The following FYB1 variants were observed in gnomAD, a reference collection of about 807,000 sequenced individuals.
FYB1 encodes FYN-binding protein 1.
FYB1 carries 41 observed loss-of-function variants against 94.1 expected under a neutral mutation model. That is an observed-to-expected ratio of 0.44 (90% CI 0.34 to 0.57). FYB1 has a LOEUF of 0.57. FYB1 is among the 20% of genes least tolerant of loss of function. The probability of loss-of-function intolerance (pLI) is 0.02; values close to 1 mark genes in which losing one functional copy is unlikely to be tolerated. For missense variants in FYB1, 1,050 were observed against 976.8 expected, an observed-to-expected ratio of 1.07 and a Z score of -1.00; for synonymous variants, 367 against 353.2, an observed-to-expected ratio of 1.04 and a Z score of -0.44.
At chr5:39,143,879 T>C (rs1343365679) in intron 3 of FYB1, among the ~76,000 whole-genome samples, 1 of 152,202 alleles carries the variant, frequency 6.6e-6, no homozygotes, top group East Asian at 1.9e-4. Flanking sequence ...TATATATGCT[T>C]AGCTTTCTAT....
At chr5:39,254,976 T>A (rs1751870969) in intron 1 of FYB1, among the ~76,000 whole-genome samples, 2 of 152,214 alleles carry the variant, frequency 1.3e-5, no homozygotes, top group Non-Finnish European at 2.9e-5. Context: ...AAAGGCCTTA[T>A]ACTTTGTGTA....
Position 39,126,040 on chromosome 5 carries a change from T to C in FYB1, c.2003A>G (p.Glu668Gly), listed in dbSNP as rs1392632948. The change falls in exon 12 of 19, where the codon GAG becomes GGG. Residue 668 changes from glutamate to glycine, a missense_variant. Glu to Gly is a moderately conservative substitution (Grantham distance 98, BLOSUM62 -2). Transcript: ENST00000512982. Reference protein sequence around the residue: ...GKDDRKKSIREKPKVSDSDNN... With the variant: ...GKDDRKKSIRGKPKVSDSDNN... ...GTCTGAGTCAGAGACTTTAGGTTTCTCTCGTATACTTTTCTTTCTGTCATC... is the reference window on the plus strand; with the variant it reads ...GTCTGAGTCAGAGACTTTAGGTTTCCCTCGTATACTTTTCTTTCTGTCATC... 6.2e-7 allele frequency: 1 copy of C among 1,613,554 alleles called. No homozygotes were observed. The highest frequency in any genetic ancestry group is 8.5e-7 in the Non-Finnish European group (1 of 1,179,694).
intron 6 of FYB1, 141 bp from the exon 7 acceptor site, chr5:39,137,861 T>G: frequency 9.3e-7 from 1 of 1,069,680 alleles, no homozygotes; most frequent in Non-Finnish European, 1.3e-6. Flanking sequence ...GTTGTCAAAA[T>G]CCGGAATGTG....
intron 1 of FYB1, among the ~76,000 whole-genome samples, chr5:39,246,151 T>G (rs1751470306): frequency 6.6e-6 from 1 of 152,116 alleles, no homozygotes; most frequent in South Asian, 2.1e-4. Context: ...ACCAGTGGCA[T>G]GAGGATGAAA....
rs375349400 is a variant in FYB1 at position 39,118,955 on chromosome 5, G to T, written c.2320C>A (p.Gln774Lys). 31 of 1,573,786 alleles carry T rather than the reference G, an allele frequency of 2.0e-5. No individual in the cohort carries two copies. Among genetic ancestry groups the T allele is most frequent in the Non-Finnish European group, 2.2e-5 (25 of 1,153,854 alleles). ...TSKKWGTRDLQVKPGESLEVI... is the reference protein window; with the variant it reads ...TSKKWGTRDLKVKPGESLEVI... ...TCTAGAGATTCACCAGGTTTTACCTGTAGATCTCTGGTTCCCCACTTTTTA... is the reference window on the plus strand; with the variant it reads ...TCTAGAGATTCACCAGGTTTTACCTTTAGATCTCTGGTTCCCCACTTTTTA... The change falls in exon 16 of 19, where the codon CAG (glutamine) becomes AAG (lysine). Residue 774 changes from glutamine to lysine, a missense_variant. Coordinates refer to ENST00000512982, the MANE Select transcript of FYB1 (RefSeq NM_001465.6).
At chr5:39,208,750 G>A (rs1749080058) in intron 1 of FYB1, 1 of 152,274 alleles carries the variant, frequency 6.6e-6, no homozygotes, top group Middle Eastern at 3.4e-3. Context: ...GGTTCTGTGG[G>A]GGTGATGCCT....
At chr5:39,126,473 A>C (rs1215716195) in intron 11 of FYB1, among the ~76,000 whole-genome samples, 1 of 151,964 alleles carries the variant, frequency 6.6e-6, no homozygotes. Context: ...AAGTGGGAGG[A>C]TTGCTTAAGC....
chr5:39,240,455 A>G (rs1401159813), intron 1 of FYB1, among the ~76,000 whole-genome samples: 1 of 152,218 alleles, frequency 6.6e-6, no homozygotes, highest in African/African-American at 2.4e-5. Flanking sequence ...AGAATCTACA[A>G]GGAATTTAAA....
intron 1 of FYB1, among the ~76,000 whole-genome samples, chr5:39,229,392 C>G (rs1750622264): frequency 6.6e-6 from 1 of 152,164 alleles, no homozygotes; most frequent in Non-Finnish European, 1.5e-5. Context: ...GGGGAGAAAT[C>G]AGCCATTGTC....
At chr5:39,162,121 G>A (rs1744302852) in intron 2 of FYB1, among the ~76,000 whole-genome samples, 1 of 152,112 alleles carries the variant, frequency 6.6e-6, no homozygotes, top group Non-Finnish European at 1.5e-5. Flanking sequence ...TCTTCTGCCT[G>A]TTATACAGAA....
intron 11 of FYB1, 141 bp from the exon 12 acceptor site, chr5:39,126,276 CA>C: frequency 1.2e-6 from 1 of 857,948 alleles, no homozygotes; most frequent in Non-Finnish European, 1.7e-6. Flanking sequence ...TTTTATTGGA[CA>C]AAATAGTGTT....
intron 10 of FYB1, among the ~76,000 whole-genome samples, 156 bp from the exon 11 acceptor site, chr5:39,127,963 A>T (rs1048567958): frequency 6.6e-6 from 1 of 152,198 alleles, no homozygotes; most frequent in Admixed American, 6.5e-5. Context: ...TGATTATTTT[A>T]TAAAGAATTC....
At chr5:39,247,066 G>T (rs551031414) in intron 1 of FYB1, among the ~76,000 whole-genome samples, 1 of 116,104 alleles carries the variant, frequency 8.6e-6, no homozygotes, top group Non-Finnish European at 1.7e-5. Context: ...CACAAAATGC[G>T]TGTTCATATA....
At chr5:39,157,198 T>C (rs1743839831) in intron 2 of FYB1, among the ~76,000 whole-genome samples, 2 of 152,214 alleles carry the variant, frequency 1.3e-5, no homozygotes. Context: ...ATGATGTCTA[T>C]GCACTTTCTG....
rs115969379 is a variant in FYB1 at position 39,176,844 on chromosome 5, T to A, written c.1136-23240A>T. Among the ~76,000 whole-genome samples the A allele has an allele frequency of 5.8e-3, 878 of 152,334 alleles. 12 individuals carry two copies. Among genetic ancestry groups the A allele is most frequent in the African/African-American group, 0.02 (821 of 41,566 alleles). ...GTGTGGCTCCTCAAGCCCATTTTAA[T>A]TGAGATGGTGTAGGCAGCTAAAAGA... On this transcript the variant is annotated intron_variant, in intron 2 of 18. Coordinates refer to ENST00000512982, the MANE Select transcript of FYB1 (RefSeq NM_001465.6).
At chr5:39,214,647 G>T (rs1749699374) in intron 1 of FYB1, among the ~76,000 whole-genome samples, 1 of 152,238 alleles carries the variant, frequency 6.6e-6, no homozygotes, top group African/African-American at 2.4e-5. Context: ...ACAAGTATTG[G>T]CTGGGTGCTG....
At chr5:39,166,909 C>T (rs62358712) in intron 2 of FYB1, among the ~76,000 whole-genome samples, 26,112 of 151,624 alleles carry the variant, frequency 0.17, 2,475 homozygotes, top group Non-Finnish European at 0.21. Context: ...TTACTACACA[C>T]GGTATCCATG....
At chr5:39,169,186 C>T in intron 2 of FYB1, 1 of 808,154 alleles carries the variant, frequency 1.2e-6, no homozygotes, top group Non-Finnish European at 2.2e-6. Flanking sequence ...GACAACTAAT[C>T]ATTGCAACAT....
At chr5:39,139,720 G>A (rs1420876442) in intron 4 of FYB1, 1 of 151,978 alleles carries the variant, frequency 6.6e-6, no homozygotes, top group Non-Finnish European at 1.5e-5. Context: ...TATTGAAACA[G>A]AATCCAATAT....
Sources: allele counts gnomAD v4.1 joint callset (sites outside exome capture counted in the v4.1 genomes callset), GRCh38; gene constraint gnomAD v4.1.1; transcripts MANE v1.5; gene names NCBI Gene and HGNC (gene_info 2026-07-23, HGNC 2026-07-21).